FREM2: variants seen among roughly 807,000 people sequenced by gnomAD.
The protein encoded by FREM2 is FRAS1 related extracellular matrix 2, also known as FRAS1-related extracellular matrix protein 2.
A neutral mutation model predicts 219.9 loss-of-function variants in FREM2; 119 were observed. The observed-to-expected ratio is 0.54, with a 90% CI of 0.47 to 0.63. The LOEUF is 0.63. FREM2 is among the 30% of genes least tolerant of loss of function. FREM2 has a pLI of 0.00. For missense variants in FREM2, 4,030 were observed against 3,993.6 expected, an observed-to-expected ratio of 1.01 and a Z score of -0.25; for synonymous variants, 1,562 against 1,522.8, an observed-to-expected ratio of 1.03 and a Z score of -0.60.
chr13:38,745,387 A>G (rs1429114487), intron 2 of FREM2, among the ~76,000 whole-genome samples: 1 of 152,214 alleles, frequency 6.6e-6, no homozygotes, highest in Non-Finnish European at 1.5e-5. Context: ...TTGAACTTCT[A>G]TCCCATACTT....
chr13:38,797,788 C>A (rs1267281467), intron 6 of FREM2, among the ~76,000 whole-genome samples: 1 of 151,840 alleles, frequency 6.6e-6, no homozygotes, highest in East Asian at 1.9e-4. Context: ...AGTCTTTAAT[C>A]CATCTTGACT....
At chr13:38,854,159 G>A (rs1877473595) in intron 11 of FREM2, among the ~76,000 whole-genome samples, 1 of 150,572 alleles carries the variant, frequency 6.6e-6, no homozygotes, top group South Asian at 2.1e-4. Context: ...AAAAAAAGTT[G>A]AAATTTTTTC....
Position 38,750,699 on chromosome 13 carries a change from CT to C in FREM2, c.5264-13593del, listed in dbSNP as rs1236772621. ...CTGTTTTTAGCCATGCTGTTTTCTT[CT>C]TTTTTTTTTTTGAGACGAAGTCTCA... On this transcript the variant is annotated intron_variant, in intron 2 of 23. Coordinates refer to ENST00000280481, the MANE Select transcript of FREM2 (RefSeq NM_207361.6). 3.5e-3 allele frequency among the ~76,000 whole-genome samples: 511 copies of C among 145,414 alleles called. 2 individuals carry two copies. The highest frequency in any genetic ancestry group is 8.7e-3 in the African/African-American group (347 of 40,086).
chr13:38,885,769 T>G lies in FREM2; in HGVS notation c.*4982T>G, dbSNP rs1278052698. The stretch of plus-strand genomic sequence containing the variant: ...AATAAAATGATGACAATATGTGCCT[T>G]GATTTTTCTCTCAATGGAGGTTCAA... On this transcript the variant is annotated 3_prime_UTR_variant, in exon 24 of 24. Coordinates refer to ENST00000280481, the MANE Select transcript of FREM2 (RefSeq NM_207361.6). The G allele has an allele frequency of 1.3e-5, 2 of 152,188 alleles. No homozygotes were observed. Among genetic ancestry groups the G allele is most frequent in the African/African-American group, 4.8e-5 (2 of 41,468 alleles). The allele number at this position is 152,188 out of a possible 1,614,324, so 9.4% of individuals were successfully genotyped here.
At chr13:38,832,675 A>G (rs1221942542) in intron 6 of FREM2, among the ~76,000 whole-genome samples, 2 of 152,190 alleles carry the variant, frequency 1.3e-5, no homozygotes, top group Non-Finnish European at 2.9e-5. Context: ...AATGTGCTCT[A>G]TGTAAAATTA....
Position 38,690,064 on chromosome 13 carries a change from A to G in FREM2, c.2720A>G (p.Asp907Gly). The G allele has an allele frequency of 6.2e-7, 1 of 1,614,036 alleles. No individual in the cohort carries two copies. The highest frequency in any genetic ancestry group is 8.5e-7 in the Non-Finnish European group (1 of 1,180,030). The change falls in exon 1 of 24, where the codon GAC (aspartate) becomes GGC (glycine). Residue 907 changes from aspartate to glycine, a missense_variant. Physicochemically the swap from Asp to Gly is moderately conservative, Grantham distance 94. Transcript: ENST00000280481. ...CGAGTTTCCTATGCCCATAATGGGG[A>G]CAAGTCCCTGACTGATAGCTGCTCC... ...QGRVSYAHNG[D>G]KSLTDSCSLE...
intron 12 of FREM2, 137 bp downstream of exon 12, chr13:38,856,393 T>C (rs543726875): frequency 5.3e-6 from 4 of 755,178 alleles, no homozygotes; most frequent in African/African-American, 5.2e-5. Flanking sequence ...ATAATCTCTT[T>C]TTACCACCTA....
intron 6 of FREM2, among the ~76,000 whole-genome samples, chr13:38,833,555 A>G (rs4943606): frequency 0.074 from 11,200 of 152,190 alleles, 706 homozygotes; most frequent in Admixed American, 0.18. Context: ...ACTGAACCCC[A>G]TTTATAACCT....
chr13:38,785,884 TA>T, intron 6 of FREM2, among the ~76,000 whole-genome samples: 1 of 152,272 alleles, frequency 6.6e-6, no homozygotes, highest in South Asian at 2.1e-4. Context: ...TGTATGTTGT[TA>T]AAATTTCTTC....
chr13:38,823,183 C>G (rs368322927), intron 6 of FREM2, among the ~76,000 whole-genome samples: 35 of 152,040 alleles, frequency 2.3e-4, no homozygotes, highest in African/African-American at 7.5e-4. Flanking sequence ...CTTCATATCT[C>G]TAAATATTAT....
chr13:38,713,915 G>A (rs1870879714), intron 2 of FREM2, among the ~76,000 whole-genome samples: 1 of 152,206 alleles, frequency 6.6e-6, no homozygotes, highest in South Asian at 2.1e-4. Context: ...TATCTAGTGG[G>A]TAGAGAGGCC....
chr13:38,778,923 A>G lies in FREM2; in HGVS notation c.5642-4147A>G, dbSNP rs1025710920. On this transcript the variant is annotated intron_variant, in intron 4 of 23. Coordinates refer to ENST00000280481, the MANE Select transcript of FREM2 (RefSeq NM_207361.6). Reference sequence around the variant, plus strand: ...AGCACATTTCCATAAGTTAATGAAAACAAACTCACTAAAACTAATTGAATA... The same window carrying G: ...AGCACATTTCCATAAGTTAATGAAAGCAAACTCACTAAAACTAATTGAATA... Among the ~76,000 whole-genome samples the G allele has an allele frequency of 3.3e-5, 5 of 152,350 alleles. No individual in the cohort carries two copies. In the South Asian group the frequency reaches 1.0e-3, roughly 32 times the overall value.
intron 6 of FREM2, among the ~76,000 whole-genome samples, chr13:38,818,330 C>T (rs1875851407): frequency 6.6e-6 from 1 of 151,928 alleles, no homozygotes. Flanking sequence ...GTATAAAAAC[C>T]CAACAGAATA....
In FREM2 at chr13:38,691,727, C is replaced by T; in HGVS notation, c.4383C>T (p.Thr1461=). 1 of 1,613,650 alleles carries T rather than the reference C, an allele frequency of 6.2e-7. No homozygotes were observed. Among genetic ancestry groups the T allele is most frequent in the Non-Finnish European group, 8.5e-7 (1 of 1,179,566 alleles). ...SPDENLVFTI[T]RAPMRGHLEC... is the part of the protein sequence containing the mutation. ...ATGAAAACTTGGTTTTTACCATCAC[C>T]AGGGCTCCCATGCGAGGTCACCTGG... The change falls in exon 1 of 24, where the codon ACC becomes ACT. Residue 1461 remains threonine (T), a synonymous_variant. Transcript: ENST00000280481.
chr13:38,808,147 C>A (rs1875325638), intron 6 of FREM2, among the ~76,000 whole-genome samples: 1 of 151,926 alleles, frequency 6.6e-6, no homozygotes, highest in African/African-American at 2.4e-5. Flanking sequence ...CATGAAGGAA[C>A]CTCTGTTAGC....
chr13:38,688,207 C>A lies in FREM2; in HGVS notation c.863C>A (p.Ser288Ter), dbSNP rs764428476. The change falls in exon 1 of 24, where the codon TCA becomes TAA. Residue 288 changes from serine (S) to a stop codon, truncating the protein, a stop_gained. Coordinates refer to ENST00000280481, the MANE Select transcript of FREM2 (RefSeq NM_207361.6). LOFTEE classifies it high-confidence loss of function. ...ATACCCATGGTGGTGGAGCTGCGTT[C>A]ACGAGGGGCTCCTGTGGGCAGCCCT... Reference protein sequence around the residue: ...DWIPMVVELRSRGAPVGSPAL... With the variant: ...DWIPMVVELR 3 of 1,613,098 alleles carry A rather than the reference C, an allele frequency of 1.9e-6. No individual in the cohort carries two copies. Among genetic ancestry groups the A allele is most frequent in the African/African-American group, 2.7e-5 (2 of 74,936 alleles).
Position 38,877,226 on chromosome 13 carries a change from A to G in FREM2, c.8654A>G (p.Asp2885Gly). 3 of 1,614,036 alleles carry G rather than the reference A, an allele frequency of 1.9e-6. No homozygotes were observed. Among genetic ancestry groups the G allele is most frequent in the Non-Finnish European group, 2.5e-6 (3 of 1,179,930 alleles). The stretch of plus-strand genomic sequence containing the variant: ...TCCATGGGATTCGGGCAAGAGAGTG[A>G]TGTTGCTTTTGCAGAAGGTATCACT... ...DGSMGFGQES[D>G]VAFAEGDIIY... The change falls in exon 21 of 24, where the codon GAT (aspartate) becomes GGT (glycine). Residue 2885 changes from aspartate (D) to glycine (G), a missense_variant. Physicochemically the swap from Asp to Gly is moderately conservative, Grantham distance 94 (BLOSUM62 -1). Around this residue, in one of 2 missense-constraint regions of FREM2, gnomAD observed 928 missense variants for 1,042.9 expected, o/e 0.89. Coordinates refer to ENST00000280481, the MANE Select transcript of FREM2 (RefSeq NM_207361.6).
intron 6 of FREM2, among the ~76,000 whole-genome samples, chr13:38,829,327 G>A (rs138129240): frequency 5.3e-4 from 80 of 152,220 alleles, no homozygotes; most frequent in African/African-American, 1.9e-3. Context: ...ATCATATCCC[G>A]TAGTATGATG....
intron 4 of FREM2, among the ~76,000 whole-genome samples, chr13:38,781,328 A>T (rs1874107899): frequency 6.6e-6 from 1 of 152,242 alleles, no homozygotes; most frequent in East Asian, 1.9e-4. Flanking sequence ...TGAGATTCTA[A>T]TTCTACCAGA....
Sources: allele counts gnomAD v4.1 joint callset (sites outside exome capture counted in the v4.1 genomes callset), GRCh38; gene constraint gnomAD v4.1.1; regional missense constraint gnomAD v4.1.1; transcripts MANE v1.5; gene names NCBI Gene and HGNC (gene_info 2026-07-23, HGNC 2026-07-21).